Variants in JAKMIP1 observed in about 807,000 individuals in gnomAD.
The protein encoded by JAKMIP1 is janus kinase and microtubule-interacting protein 1.
JAKMIP1 carries 33 observed loss-of-function variants against 113.0 expected under a neutral mutation model. That is an observed-to-expected ratio of 0.29 (90% confidence interval 0.22 to 0.39). The LOEUF (loss-of-function observed/expected upper bound fraction) is 0.39, where lower values mean the gene tolerates loss of function less well. Ranked by LOEUF, JAKMIP1 falls within the 10% of genes least tolerant of loss-of-function variation. The pLI, the probability that JAKMIP1 is intolerant of heterozygous loss-of-function variation, is 1.00. For synonymous variants in JAKMIP1, 480 were observed against 459.9 expected, an observed-to-expected ratio of 1.04 and a Z score of -0.56; for missense variants, 813 against 1,080.5, an observed-to-expected ratio of 0.75 and a Z score of 3.47.
rs1728005306 is a variant in JAKMIP1, at chr4:6,197,808, C to G, written c.-148+2445G>C. On this transcript the variant is annotated intron_variant, in intron 1 of 20. Transcript: ENST00000409021. This position sits in a 1 kb window ranked among gnomAD's most constrained non-coding sequence, Gnocchi z 6.5. ...CTGAAGAGACACAAGGTCCCACCCT[C>G]GAGGAGTTAAACAGATAGCCATAGC... Among the ~76,000 whole-genome samples the G allele has an allele frequency of 6.6e-6, 1 of 152,252 alleles. No homozygotes were observed. The highest frequency in any genetic ancestry group is 2.1e-4 in the South Asian group (1 of 4,832).
intron 11 of JAKMIP1, among the ~76,000 whole-genome samples, chr4:6,058,386 G>A (rs1193232586): frequency 6.6e-6 from 1 of 152,210 alleles, no homozygotes; most frequent in Non-Finnish European, 1.5e-5. Context: ...AAGGGAATAA[G>A]TACATTCTAT....
intron 12 of JAKMIP1, among the ~76,000 whole-genome samples, chr4:6,055,526 C>T (rs1028826736): frequency 1.3e-5 from 2 of 152,188 alleles, no homozygotes; most frequent in African/African-American, 4.8e-5. Flanking sequence ...GCTGAGATGG[C>T]CTGAGGATCT....
rs1718221260 is a variant in JAKMIP1 at position 6,129,573 on chromosome 4, C to A, written c.-147-16576G>T. Among the ~76,000 whole-genome samples, 1 of 152,140 alleles carries A rather than the reference C, an allele frequency of 6.6e-6. No individual in the cohort carries two copies. Among genetic ancestry groups the A allele is most frequent in the Non-Finnish European group, 1.5e-5 (1 of 68,032 alleles). On this transcript the variant is annotated intron_variant, in intron 1 of 20. Transcript: ENST00000409021. This position sits in a 1 kb window ranked among gnomAD's most constrained non-coding sequence, Gnocchi z 5.4. ...ACAGGGACCAGGATACCAAGCAGGA[C>A]CCACCGTGCCCTGCCCTCATGATGC...
chr4:6,171,075 ACCCC>A (rs57219329), intron 1 of JAKMIP1, among the ~76,000 whole-genome samples: 1 of 145,890 alleles, frequency 6.9e-6, no homozygotes, highest in Non-Finnish European at 1.5e-5. Context: ...CATCACCACC[ACCCC>A]CATTACCCTT....
At chr4:6,096,719 C>A (rs1348229565) in intron 3 of JAKMIP1, among the ~76,000 whole-genome samples, 1 of 152,042 alleles carries the variant, frequency 6.6e-6, no homozygotes, top group Non-Finnish European at 1.5e-5. Flanking sequence ...ATGTTTGGGA[C>A]CAGAAGTGTT....
At chr4:6,161,444 A>G (rs142802733) in intron 1 of JAKMIP1, among the ~76,000 whole-genome samples, 381 of 151,944 alleles carry the variant, frequency 2.5e-3, no homozygotes, top group Non-Finnish European at 4.6e-3. Context: ...AGCTGGCCCA[A>G]TGGGAAGGTG....
At position 6,103,360 on chromosome 4, in the gene JAKMIP1, A is replaced by G. The variant is rs80119507; in HGVS notation, c.624+2113T>C. Among the ~76,000 whole-genome samples, 101 of 152,350 alleles carry G rather than the reference A, an allele frequency of 6.6e-4. 2 individuals carry two copies. In the East Asian group the frequency reaches 0.017, roughly 25 times the overall value. ...ATCTTTATATTTTCAGAATAAACCC[A>G]GCTGGGTTATGACTTATTAGCCTTC... On this transcript the variant is annotated intron_variant, in intron 3 of 20. Coordinates refer to ENST00000409021, the MANE Select transcript of JAKMIP1 (RefSeq NM_001099433.2).
In JAKMIP1 at chr4:6,067,772, AC is replaced by A. The variant is rs1718375209; in HGVS notation, c.1303-2765del. On this transcript the variant is annotated intron_variant, in intron 8 of 20. Coordinates refer to ENST00000409021, the MANE Select transcript of JAKMIP1 (RefSeq NM_001099433.2). This position sits in a 1 kb window ranked among gnomAD's most constrained non-coding sequence, Gnocchi z 4.6. ...CACGCAGGTCACCCCCCTGAGCTCCACGTTCACTCAAGCTCTTCTGCACACG... is the reference window on the plus strand; with the variant it reads ...CACGCAGGTCACCCCCCTGAGCTCCAGTTCACTCAAGCTCTTCTGCACACG... 7.1e-6 allele frequency among the ~76,000 whole-genome samples: 1 copy of A among 141,420 alleles called. No homozygotes were observed. The highest frequency in any genetic ancestry group is 1.5e-5 in the Non-Finnish European group (1 of 65,694). 92.8% of individuals were successfully genotyped at this position (141,420 alleles called of 152,430 possible).
rs1416248097 is a variant in JAKMIP1, at chr4:6,036,058, G to A, written c.2225C>T (p.Pro742Leu). Reference protein sequence around the residue: ...ATLYTALQQEPGRRAGEALSE... With the variant: ...ATLYTALQQELGRRAGEALSE... ...CAGCGCCTCACCGGCCCTCCGCCCC[G>A]GCTCCTGCTGCAGCGCTGTGTACAG... The change falls in exon 19 of 21, where the codon CCG (proline) becomes CTG (leucine). Residue 742 changes from proline to leucine, a missense_variant. By Grantham distance (98) the Pro-to-Leu change is moderately conservative. Transcript: ENST00000409021. 9.0e-6 allele frequency: 14 copies of A among 1,557,268 alleles called. No homozygotes were observed. Among genetic ancestry groups the A allele is most frequent in the African/African-American group, 1.4e-5 (1 of 73,444 alleles).
In JAKMIP1 at chr4:6,071,724, C is replaced by T. The variant is rs187241783; in HGVS notation, c.1303-6716G>A. ...CCAGCTGCAGCTCCTCTGGCGGTACCTCCAGGACCGGCACAGACGGTGTGT... is the reference window on the plus strand; with the variant it reads ...CCAGCTGCAGCTCCTCTGGCGGTACTTCCAGGACCGGCACAGACGGTGTGT... On this transcript the variant is annotated intron_variant, in intron 8 of 20. Coordinates refer to ENST00000409021, the MANE Select transcript of JAKMIP1 (RefSeq NM_001099433.2). Among the ~76,000 whole-genome samples the T allele has an allele frequency of 1.1e-4, 16 of 152,336 alleles. No individual in the cohort carries two copies. The East Asian group carries it at 3.1e-3, about 29-fold the overall frequency.
chr4:6,130,854 TAAAAA>T lies in JAKMIP1; in HGVS notation c.-147-17862_-147-17858del, dbSNP rs532285340. ...ACTGGAAAGCAATGAAAAAAAAGAC[TAAAAA>T]TAAATAAATAAAAAAAACGAATATC... On this transcript the variant is annotated intron_variant, in intron 1 of 20. Transcript: ENST00000409021. 7.3e-5 allele frequency among the ~76,000 whole-genome samples: 11 copies of T among 151,434 alleles called. 1 individual carries two copies. The South Asian group carries it at 2.3e-3, about 32-fold the overall frequency.
chr4:6,172,909 T>C (rs1724909317), intron 1 of JAKMIP1, among the ~76,000 whole-genome samples: 1 of 151,966 alleles, frequency 6.6e-6, no homozygotes, highest in Admixed American at 6.6e-5. Context: ...CTACCCAAGA[T>C]CAGTCAAAGG....
chr4:6,148,917 G>C (rs2063421793), intron 1 of JAKMIP1, among the ~76,000 whole-genome samples: 2 of 152,222 alleles, frequency 1.3e-5, no homozygotes, highest in African/African-American at 2.4e-5. Flanking sequence ...CCAGGGCATG[G>C]GGACTGGGTG....
chr4:6,145,049 T>G (rs754961949), intron 1 of JAKMIP1, among the ~76,000 whole-genome samples: 1 of 152,256 alleles, frequency 6.6e-6, no homozygotes, highest in Non-Finnish European at 1.5e-5. Context: ...ACAAGCTTAG[T>G]ATACAAAAAT....
intron 1 of JAKMIP1, among the ~76,000 whole-genome samples, chr4:6,170,943 C>T (rs1036925914): frequency 6.7e-6 from 1 of 149,088 alleles, no homozygotes; most frequent in Admixed American, 6.7e-5. Context: ...ACCACCACCA[C>T]CAGCATCCCC....
intron 16 of JAKMIP1, among the ~76,000 whole-genome samples, chr4:6,048,392 C>T (rs1715256374): frequency 6.6e-6 from 1 of 152,118 alleles, no homozygotes; most frequent in African/African-American, 2.4e-5. Flanking sequence ...TGCAGTTTAC[C>T]ACTGCATGAT....
In JAKMIP1 at chr4:6,188,607, G is replaced by A. The variant is rs953473225; in HGVS notation, c.-148+11646C>T. ...GCTACAACCCAGGAGCAAATGAATC[G>A]TGAAATTCCAAATTAGCAACTTATT... On this transcript the variant is annotated intron_variant, in intron 1 of 20. Coordinates refer to ENST00000409021, the MANE Select transcript of JAKMIP1 (RefSeq NM_001099433.2). This position sits in a 1 kb window ranked among gnomAD's most constrained non-coding sequence, Gnocchi z 5.8. Among the ~76,000 whole-genome samples the A allele has an allele frequency of 2.0e-5, 3 of 152,122 alleles. No individual in the cohort carries two copies. Among genetic ancestry groups the A allele is most frequent in the African/African-American group, 4.8e-5 (2 of 41,412 alleles).
chr4:6,183,146 A>G lies in JAKMIP1; in HGVS notation c.-148+17107T>C, dbSNP rs1726236229. Reference sequence around the variant, plus strand: ...CAATACCACAGATATCTAGACACACAGATACAGGTGCCCTGCGAAGGGGTG... The same window carrying G: ...CAATACCACAGATATCTAGACACACGGATACAGGTGCCCTGCGAAGGGGTG... On this transcript the variant is annotated intron_variant, in intron 1 of 20. Coordinates refer to ENST00000409021, the MANE Select transcript of JAKMIP1 (RefSeq NM_001099433.2). This position sits in a 1 kb window ranked among gnomAD's most constrained non-coding sequence, Gnocchi z 5.3. Among the ~76,000 whole-genome samples the G allele has an allele frequency of 6.6e-6, 1 of 152,210 alleles. No individual in the cohort carries two copies. The highest frequency in any genetic ancestry group is 2.4e-5 in the African/African-American group (1 of 41,444).
chr4:6,191,808 A>G (rs1173777596), intron 1 of JAKMIP1, among the ~76,000 whole-genome samples: 1 of 152,224 alleles, frequency 6.6e-6, no homozygotes, highest in East Asian at 1.9e-4. Flanking sequence ...CATTTAGCCC[A>G]ATATATACAA....
Sources: allele counts gnomAD v4.1 joint callset (sites outside exome capture counted in the v4.1 genomes callset), GRCh38; gene constraint gnomAD v4.1.1; non-coding constraint Gnocchi (gnomAD v3.1); transcripts MANE v1.5; gene names NCBI Gene and HGNC (gene_info 2026-07-23, HGNC 2026-07-21).